The following INIP variants were observed in gnomAD, a reference collection of about 807,000 sequenced individuals.
INIP encodes the protein SOSS complex subunit C.
INIP carries 9 observed loss-of-function variants against 14.0 expected under a neutral mutation model. That is an observed-to-expected ratio of 0.64 (90% CI 0.39 to 1.12). INIP has a LOEUF of 1.12. INIP is among the 50% of genes most tolerant of loss of function. INIP has a pLI of 0.01. For synonymous variants in INIP, 37 were observed against 41.5 expected, an observed-to-expected ratio of 0.89 and a Z score of 0.41; for missense variants, 78 against 122.7, an observed-to-expected ratio of 0.64 and a Z score of 1.72.
intron 2 of INIP, among the ~76,000 whole-genome samples, chr9:112,694,920 A>G (rs1397379739): frequency 6.6e-6 from 1 of 152,244 alleles, no homozygotes; most frequent in African/African-American, 2.4e-5. Context: ...GATATAGGGT[A>G]GAGGTTGCCA....
chr9:112,715,129 TACATACACACAC>T (rs1456726622), intron 2 of INIP, among the ~76,000 whole-genome samples: 87 of 100,998 alleles, frequency 8.6e-4, no homozygotes, highest in Middle Eastern at 4.8e-3. Flanking sequence ...CATACATACA[TACATACACACAC>T]ACACACACAC....
At chr9:112,702,316 A>G (rs1838324104) in intron 2 of INIP, among the ~76,000 whole-genome samples, 1 of 152,180 alleles carries the variant, frequency 6.6e-6, no homozygotes, top group Non-Finnish European at 1.5e-5. Context: ...AAAGCATTAA[A>G]AAGCCTATAA....
At chr9:112,711,180 A>G (rs535078044) in intron 2 of INIP, among the ~76,000 whole-genome samples, 80 of 152,228 alleles carry the variant, frequency 5.3e-4, no homozygotes, top group African/African-American at 1.7e-3. Context: ...TTAAAAAAAA[A>G]TTAAATTAAA....
intron 2 of INIP, among the ~76,000 whole-genome samples, chr9:112,699,353 TTAG>T (rs1838210364): frequency 1.3e-5 from 2 of 152,088 alleles, no homozygotes; most frequent in South Asian, 4.1e-4. Context: ...TTCTTTCTCT[TTAG>T]TAGTAATCAG....
intron 2 of INIP, among the ~76,000 whole-genome samples, chr9:112,715,172 ACACACACG>A (rs1838770167): frequency 1.5e-5 from 2 of 135,112 alleles, no homozygotes; most frequent in African/African-American, 5.2e-5. Flanking sequence ...ACACACACAC[ACACACACG>A]GTTTAAAAGA....
intron 2 of INIP, among the ~76,000 whole-genome samples, chr9:112,695,379 G>A (rs16917238): frequency 0.17 from 26,176 of 151,768 alleles, 2,585 homozygotes; most frequent in Admixed American, 0.24. Context: ...CACTCCTAAG[G>A]GTACCCACAT....
chr9:112,714,269 A>T (rs577508650), intron 2 of INIP, among the ~76,000 whole-genome samples: 2 of 152,280 alleles, frequency 1.3e-5, no homozygotes, highest in South Asian at 2.1e-4. Context: ...AACCAAGATT[A>T]AAAAAATCAG....
intron 2 of INIP, chr9:112,701,832 CT>C (rs201433213): frequency 0.031 from 4,727 of 151,866 alleles, 93 homozygotes; most frequent in Middle Eastern, 0.068. Flanking sequence ...GGAGGATCAC[CT>C]GAGGCCAGGA....
chr9:112,717,797 T>C (rs1165506674), intron 1 of INIP, among the ~76,000 whole-genome samples, 190 bp downstream of exon 1: 1 of 152,126 alleles, frequency 6.6e-6, no homozygotes, highest in East Asian at 1.9e-4. Flanking sequence ...GAAAGGTCCC[T>C]GCCTACGGAT....
intron 4 of INIP, among the ~76,000 whole-genome samples, chr9:112,688,489 TAAAA>T (rs201986556): frequency 1.5e-5 from 2 of 135,362 alleles, no homozygotes; most frequent in Non-Finnish European, 1.6e-5. Flanking sequence ...CCTCTGTCAT[TAAAA>T]AAAAAAAAAA....
rs115267764 is a variant in INIP, at chr9:112,708,616, C to T, written c.25+7845G>A. Among the ~76,000 whole-genome samples, 501 of 152,230 alleles carry T rather than the reference C, an allele frequency of 3.3e-3. 3 individuals carry two copies. Among genetic ancestry groups the T allele is most frequent in the African/African-American group, 0.012 (490 of 41,536 alleles). On this transcript the variant is annotated intron_variant, in intron 2 of 4. Coordinates refer to ENST00000374242, the MANE Select transcript of INIP (RefSeq NM_021218.3). ...ATTACCCAAAATTCGTGGCTTAAAA[C>T]GTCACAAATCTATTTTCTTATGGAT...
chr9:112,700,544 ATACCTAATTATATTATATAATATAT>A (rs1838258494), intron 2 of INIP, among the ~76,000 whole-genome samples: 1 of 147,096 alleles, frequency 6.8e-6, no homozygotes, highest in Non-Finnish European at 1.5e-5. Flanking sequence ...TATATTATAT[ATACCTAATTATATTATATAATATAT>A]AATATAAAGA....
intron 2 of INIP, among the ~76,000 whole-genome samples, chr9:112,714,825 A>G (rs1838754625): frequency 6.6e-6 from 1 of 152,144 alleles, no homozygotes; most frequent in Non-Finnish European, 1.5e-5. Flanking sequence ...TTGTTAGGTG[A>G]TTTTGTGTTA....
chr9:112,701,479 C>T (rs542741908), intron 2 of INIP, among the ~76,000 whole-genome samples: 12 of 152,174 alleles, frequency 7.9e-5, no homozygotes, highest in Non-Finnish European at 1.0e-4. Flanking sequence ...ATACAACAGA[C>T]GTTTCCCTAA....
intron 2 of INIP, among the ~76,000 whole-genome samples, chr9:112,707,017 T>G (rs541552932): frequency 6.6e-6 from 1 of 152,316 alleles, no homozygotes; most frequent in African/African-American, 2.4e-5. Context: ...GTTCAAGCGA[T>G]TCTCCTGCCT....
At chr9:112,687,734 AATTT>A (rs1242309592) in intron 4 of INIP, 101 bp from the exon 5 acceptor site, 1 of 558,964 alleles carries the variant, frequency 1.8e-6, no homozygotes, top group African/African-American at 1.9e-5. Context: ...CTTGAGACCA[AATTT>A]ATTTGTTTAT....
chr9:112,701,294 C>T (rs889784919), intron 2 of INIP, among the ~76,000 whole-genome samples: 6 of 152,040 alleles, frequency 3.9e-5, no homozygotes, highest in African/African-American at 1.2e-4. Context: ...GGCAACAAGG[C>T]AAAACTCTGT....
rs144681899 is a variant in INIP at position 112,686,409 on chromosome 9, G to C, written c.*1129C>G. ...ACTGCATACTTAAATAAGCACCCCA[G>C]ATACTGCTAAAGATGGGTCATGTTG... On this transcript the variant is annotated 3_prime_UTR_variant, in exon 5 of 5. Coordinates refer to ENST00000374242, the MANE Select transcript of INIP (RefSeq NM_021218.3). The C allele has an allele frequency of 2.0e-5, 3 of 152,272 alleles. No homozygotes were observed. The East Asian group carries it at 5.8e-4, about 29-fold the overall frequency. The allele number at this position is 152,272 out of a possible 1,614,324, so 9.4% of individuals were successfully genotyped here.
At chr9:112,692,303 G>C (rs1837917722) in intron 3 of INIP, among the ~76,000 whole-genome samples, 1 of 152,038 alleles carries the variant, frequency 6.6e-6, no homozygotes, top group Non-Finnish European at 1.5e-5. Flanking sequence ...TTGTTTGTTT[G>C]TTTTAGACAG....
Sources: allele counts gnomAD v4.1 joint callset (sites outside exome capture counted in the v4.1 genomes callset), GRCh38; gene constraint gnomAD v4.1.1; transcripts MANE v1.5; gene names NCBI Gene and HGNC (gene_info 2026-07-23, HGNC 2026-07-21).